The following NAV1 variants were observed in gnomAD, a reference collection of about 807,000 sequenced individuals.
The protein encoded by NAV1 is pore membrane and/or filament interacting like protein 3.
In NAV1, 18 loss-of-function variants were observed where a neutral mutation model predicts 175.2. The ratio of observed to expected loss-of-function variants is 0.10; its 90% confidence interval spans 0.07 to 0.15. The LOEUF (loss-of-function observed/expected upper bound fraction) is 0.15, where lower values mean the gene tolerates loss of function less well. Among genes scored for constraint, NAV1 ranks in the 10% least tolerant of loss-of-function variants. The probability of loss-of-function intolerance (pLI) is 1.00; values close to 1 mark genes in which losing one functional copy is unlikely to be tolerated. For synonymous variants in NAV1, 897 were observed against 978.7 expected, an observed-to-expected ratio of 0.92 and a Z score of 1.56; for missense variants, 1,731 against 2,436.6, an observed-to-expected ratio of 0.71 and a Z score of 6.10.
At chr1:201,815,922 G>A (rs975990294) in intron 28 of NAV1, among the ~76,000 whole-genome samples, 3 of 151,934 alleles carry the variant, frequency 2.0e-5, no homozygotes, top group East Asian at 2.0e-4. Context: ...ATTTTTAGTA[G>A]AGACAGGGTT....
intron 1 of NAV1, among the ~76,000 whole-genome samples, chr1:201,709,305 G>A (rs1195146847): frequency 6.6e-6 from 1 of 152,192 alleles, no homozygotes; most frequent in Non-Finnish European, 1.5e-5. Context: ...CAGAGGTGGG[G>A]TAAGGTGAAG....
At chr1:201,770,534 T>C (rs1306014826) in intron 3 of NAV1, among the ~76,000 whole-genome samples, 1 of 152,200 alleles carries the variant, frequency 6.6e-6, no homozygotes, top group Non-Finnish European at 1.5e-5. Flanking sequence ...CAAACATAAC[T>C]TTTTAAAAAT....
chr1:201,704,861 G>A (rs1470202457), intron 1 of NAV1, among the ~76,000 whole-genome samples: 1 of 152,166 alleles, frequency 6.6e-6, no homozygotes, highest in African/African-American at 2.4e-5. Flanking sequence ...GCTGGGTAGG[G>A]GCTTGGGTAT....
chr1:201,600,105 C>T (rs893974368), intron 2 of NAV1, among the ~76,000 whole-genome samples: 1 of 152,172 alleles, frequency 6.6e-6, no homozygotes, highest in African/African-American at 2.4e-5. Flanking sequence ...ACTCCTGGGA[C>T]GTAGGCCCCA....
chr1:201,547,531 C>A (rs1444176877), intron 1 of NAV1, among the ~76,000 whole-genome samples: 2 of 152,126 alleles, frequency 1.3e-5, no homozygotes, highest in Non-Finnish European at 1.5e-5. Context: ...TAGTGAACCA[C>A]GGGAGGAGAA....
intron 3 of NAV1, among the ~76,000 whole-genome samples, chr1:201,744,270 G>A (rs1408296493): frequency 6.6e-6 from 1 of 152,176 alleles, no homozygotes; most frequent in Non-Finnish European, 1.5e-5. Flanking sequence ...GGGTGCTGGA[G>A]AAACAGACAA....
intron 1 of NAV1, among the ~76,000 whole-genome samples, chr1:201,568,832 G>A (rs1571825444): frequency 6.6e-6 from 1 of 152,144 alleles, no homozygotes; most frequent in African/African-American, 2.4e-5. Context: ...CTTTCCCAGG[G>A]TGTCTGTTTA....
rs764886031 is a variant in NAV1 at position 201,782,685 on chromosome 1, C to T, written c.2173C>T (p.Arg725Trp). 2.1e-5 allele frequency: 34 copies of T among 1,614,000 alleles called. No individual in the cohort carries two copies. Among genetic ancestry groups the T allele is most frequent in the East Asian group, 6.7e-5 (3 of 44,882 alleles). The change falls in exon 6 of 30, where the codon CGG becomes TGG. Residue 725 changes from arginine (R) to tryptophan (W), a missense_variant. Physicochemically the swap from Arg to Trp is moderately radical, Grantham distance 101 (BLOSUM62 -3). Transcript: ENST00000367296. The surrounding 1 kb of genome is among the most constrained non-coding windows in gnomAD (Gnocchi z 5.4). The stretch of plus-strand genomic sequence containing the variant: ...GGAGCCTACCAAGGTAGCCAGTGGG[C>T]GGACCACTCCAGCCCCTGTCAATCA...
intron 3 of NAV1, among the ~76,000 whole-genome samples, chr1:201,766,684 G>C (rs561793090): frequency 6.6e-6 from 1 of 152,296 alleles, no homozygotes; most frequent in South Asian, 2.1e-4. Context: ...AGCTTTCTCA[G>C]GTCATGGACC....
chr1:201,693,452 G>GT (rs1671042548), intron 1 of NAV1, among the ~76,000 whole-genome samples: 1 of 152,344 alleles, frequency 6.6e-6, no homozygotes, highest in Admixed American at 6.5e-5. Context: ...GTGCTGCCCA[G>GT]TGCTGCGAGG....
intron 1 of NAV1, among the ~76,000 whole-genome samples, chr1:201,650,047 C>T (rs1669130256): frequency 6.6e-6 from 1 of 152,240 alleles, no homozygotes; most frequent in Non-Finnish European, 1.5e-5. Context: ...GATACCTCAG[C>T]CCCGGCTCTG....
intron 3 of NAV1, among the ~76,000 whole-genome samples, chr1:201,747,373 G>T (rs1673837849): frequency 2.0e-5 from 3 of 152,158 alleles, no homozygotes; most frequent in African/African-American, 7.2e-5. Context: ...TTGGTGATCT[G>T]CCAACTGTAC....
intron 3 of NAV1, among the ~76,000 whole-genome samples, chr1:201,773,961 T>A (rs1675764415): frequency 6.6e-6 from 1 of 152,242 alleles, no homozygotes. Context: ...ATTGTTCTTA[T>A]AAGAACTCGC....
At chr1:201,616,590 C>T (rs967420650) in intron 2 of NAV1, among the ~76,000 whole-genome samples, 14 of 152,202 alleles carry the variant, frequency 9.2e-5, no homozygotes, top group African/African-American at 3.1e-4. Flanking sequence ...CAGGTTCAAG[C>T]GATTCTCCTG....
chr1:201,547,016 C>T (rs1665694414), intron 1 of NAV1, among the ~76,000 whole-genome samples: 1 of 143,388 alleles, frequency 7.0e-6, no homozygotes, highest in Non-Finnish European at 1.5e-5. Flanking sequence ...GATGGAGTTT[C>T]GCTCTTGTTG....
At chr1:201,583,482 C>T (rs1040451888) in intron 1 of NAV1, among the ~76,000 whole-genome samples, 1 of 152,244 alleles carries the variant, frequency 6.6e-6, no homozygotes, top group African/African-American at 2.4e-5. Context: ...CAGAGGTTGG[C>T]ATTAACTCCT....
At chr1:201,736,594 C>G (rs528362968) in intron 3 of NAV1, among the ~76,000 whole-genome samples, 1 of 152,260 alleles carries the variant, frequency 6.6e-6, no homozygotes, top group East Asian at 1.9e-4. Flanking sequence ...GAGAATTACC[C>G]CCTCCCAGGA....
At chr1:201,735,906 T>C (rs1310895057) in intron 3 of NAV1, among the ~76,000 whole-genome samples, 3 of 152,144 alleles carry the variant, frequency 2.0e-5, no homozygotes, top group Non-Finnish European at 4.4e-5. Flanking sequence ...TGCCACAGTA[T>C]GGAAAGGGTT....
At chr1:201,691,811 A>C (rs1400753233) in intron 1 of NAV1, among the ~76,000 whole-genome samples, 1 of 152,234 alleles carries the variant, frequency 6.6e-6, no homozygotes. Flanking sequence ...AAACATGGCC[A>C]TGGTCTTGGA....
Sources: gnomAD v4.1 joint callset for allele counts (sites outside exome capture counted in the v4.1 genomes callset) on GRCh38, gnomAD v4.1.1 for gene constraint, Gnocchi (gnomAD v3.1) non-coding constraint, MANE v1.5 for transcripts, NCBI Gene and HGNC (gene_info 2026-07-23, HGNC 2026-07-21) for gene names.